The following ACVR1C variants were observed in gnomAD, a reference collection of about 807,000 sequenced individuals.
ACVR1C encodes activin receptor type-1C.
A neutral mutation model predicts 57.9 loss-of-function variants in ACVR1C; 23 were observed. The ratio of observed to expected loss-of-function variants is 0.40; its 90% CI spans 0.29 to 0.56. ACVR1C has a LOEUF of 0.56. Among genes scored for constraint, ACVR1C ranks in the 20% least tolerant of loss-of-function variants. The pLI, the probability that ACVR1C is intolerant of heterozygous loss-of-function variation, is 0.50. For synonymous variants in ACVR1C, 214 were observed against 215.3 expected (o/e 0.99, Z 0.05); for missense variants, 480 against 607.9 (o/e 0.79, Z 2.21).
chr2:157,627,194 G>A (rs1682916048), intron 1 of ACVR1C, among the ~76,000 whole-genome samples: 1 of 152,174 alleles, frequency 6.6e-6, no homozygotes, highest in Admixed American at 6.5e-5. Flanking sequence ...TCAAAACTGT[G>A]ATACCTTGAA....
chr2:157,609,240 G>A (rs58806044), intron 1 of ACVR1C, among the ~76,000 whole-genome samples: 7,637 of 151,574 alleles, frequency 0.05, 375 homozygotes, highest in African/African-American at 0.13. Context: ...GGTTGTTTAG[G>A]GGCATGTTGT....
intron 2 of ACVR1C, among the ~76,000 whole-genome samples, chr2:157,559,125 T>G (rs1688176001): frequency 6.6e-6 from 1 of 152,118 alleles, no homozygotes; most frequent in South Asian, 2.1e-4. Flanking sequence ...TAGCAACTAA[T>G]AAAAAAGCAA....
chr2:157,596,155 C>T (rs1682102712), intron 1 of ACVR1C, among the ~76,000 whole-genome samples: 1 of 152,118 alleles, frequency 6.6e-6, no homozygotes, highest in Non-Finnish European at 1.5e-5. Flanking sequence ...CTATTTATCT[C>T]TTGGATGAAT....
intron 3 of ACVR1C, among the ~76,000 whole-genome samples, chr2:157,554,247 GAAAGA>G (rs1558975005): frequency 1.7e-5 from 2 of 121,046 alleles, no homozygotes; most frequent in African/African-American, 7.5e-5. Context: ...AAGAAAGAAA[GAAAGA>G]AAGAAAGAAA....
intron 1 of ACVR1C, among the ~76,000 whole-genome samples, chr2:157,608,630 G>C (rs1682461446): frequency 6.6e-6 from 1 of 151,694 alleles, no homozygotes; most frequent in Admixed American, 6.6e-5. Context: ...TACTTGTTAG[G>C]AGACTTTTCA....
At chr2:157,556,657 CTTTTTTTTTTT>C (rs1169628343) in intron 2 of ACVR1C, among the ~76,000 whole-genome samples, 4 of 87,872 alleles carry the variant, frequency 4.6e-5, no homozygotes, top group Non-Finnish European at 6.2e-5. Context: ...CAGCAGTACA[CTTTTTTTTTTT>C]TTTTTTTTTT....
intron 1 of ACVR1C, among the ~76,000 whole-genome samples, chr2:157,625,745 A>G (rs78368703): frequency 8.8e-4 from 134 of 152,338 alleles, no homozygotes; most frequent in Non-Finnish European, 1.5e-3. Flanking sequence ...TTTCTGGACC[A>G]GAGGACAAAG....
At position 157,596,906 on chromosome 2, in the gene ACVR1C, G is replaced by C. The variant is rs561493439; in HGVS notation, c.74-9489C>G. On this transcript the variant is annotated intron_variant, in intron 1 of 8. Transcript: ENST00000243349. ...TGGCCTTGTAGGTTAAAGGATGTTA[G>C]GACAGTGTGGTAAACTGAGTCAGGG... Among the ~76,000 whole-genome samples the C allele has an allele frequency of 3.0e-4, 45 of 152,308 alleles. No individual in the cohort carries two copies. The South Asian group carries it at 8.3e-3, about 28-fold the overall frequency.
chr2:157,544,447 T>C lies in ACVR1C; in HGVS notation c.941A>G (p.Gln314Arg). 1 of 1,609,654 alleles carries C rather than the reference T, an allele frequency of 6.2e-7. No individual in the cohort carries two copies. ...AHLHMEIVGT[Q>R]GKPAIAHRDI... Reference sequence around the variant, plus strand: ...AAAAATGAAAAGGAAATACATACCTTGTGTACCAACAATCTCCATATGAAG... The same window carrying C: ...AAAAATGAAAAGGAAATACATACCTCGTGTACCAACAATCTCCATATGAAG... Residue 314 changes from glutamine to arginine, a missense_variant and splice_region_variant, in exon 5 of 9, where the codon CAA (glutamine) becomes CGA (arginine). Physicochemically the swap from Gln to Arg is conservative, Grantham distance 43. Coordinates refer to ENST00000243349, the MANE Select transcript of ACVR1C (RefSeq NM_145259.3).
At chr2:157,541,282 A>T in intron 6 of ACVR1C, 68 bp from the exon 7 acceptor site, 2 of 1,473,536 alleles carry the variant, frequency 1.4e-6, no homozygotes, top group Non-Finnish European at 1.8e-6. Context: ...CAATCTTAAT[A>T]AATTAAGATA....
intron 1 of ACVR1C, among the ~76,000 whole-genome samples, chr2:157,589,529 G>T (rs1689014099): frequency 6.6e-6 from 1 of 151,716 alleles, no homozygotes; most frequent in Admixed American, 6.6e-5. Context: ...CAGAGATATA[G>T]ATGACACAAA....
intron 1 of ACVR1C, among the ~76,000 whole-genome samples, chr2:157,618,867 G>A (rs934384603): frequency 2.0e-5 from 3 of 151,564 alleles, no homozygotes; most frequent in Non-Finnish European, 4.4e-5. Flanking sequence ...AATTGTGTAT[G>A]TACCCAAGAA....
intron 2 of ACVR1C, among the ~76,000 whole-genome samples, chr2:157,582,989 C>G (rs549272942): frequency 9.9e-5 from 15 of 152,258 alleles, no homozygotes; most frequent in African/African-American, 3.4e-4. Context: ...TCCAGCAATT[C>G]TCCCGCCTCA....
intron 5 of ACVR1C, among the ~76,000 whole-genome samples, chr2:157,543,393 A>G (rs1687667574): frequency 6.6e-6 from 1 of 152,234 alleles, no homozygotes; most frequent in East Asian, 1.9e-4. Context: ...AGACATTAAA[A>G]CAGACATTAA....
intron 1 of ACVR1C, among the ~76,000 whole-genome samples, chr2:157,588,628 G>T (rs539786473): frequency 8.5e-6 from 1 of 117,768 alleles, no homozygotes; most frequent in Non-Finnish European, 1.6e-5. Context: ...TATCCTTTAC[G>T]TCTCTCTGTA....
chr2:157,541,428 T>C (rs1399710502), intron 6 of ACVR1C, among the ~76,000 whole-genome samples: 2 of 152,174 alleles, frequency 1.3e-5, no homozygotes, highest in Non-Finnish European at 2.9e-5. Context: ...TTATTACACA[T>C]TGGCTCCAAA....
In ACVR1C at chr2:157,527,883, T is replaced by A. The variant is rs530915364; in HGVS notation, c.*6035A>T. 1 of 152,298 alleles carries A rather than the reference T, an allele frequency of 6.6e-6. No homozygotes were observed. Among genetic ancestry groups the A allele is most frequent in the East Asian group, 1.9e-4 (1 of 5,186 alleles). 9.4% of individuals were successfully genotyped at this position (152,298 alleles called of 1,614,324 possible). A position where few individuals can be genotyped will look rare whatever the true frequency, so the allele number is the denominator to read the frequency against. On this transcript the variant is annotated 3_prime_UTR_variant, in exon 9 of 9. Coordinates refer to ENST00000243349, the MANE Select transcript of ACVR1C (RefSeq NM_145259.3). ...TCAGTAATTAGCTCCATGCATAGAA[T>A]GAAAACTGTATGGACGATATCAAAA... is the stretch of plus-strand genomic sequence containing the variant.
intron 2 of ACVR1C, 22 bp downstream of exon 2, chr2:157,587,165 T>C: frequency 1.3e-6 from 2 of 1,565,628 alleles, no homozygotes; most frequent in Non-Finnish European, 1.8e-6. Flanking sequence ...AAATTCGGAA[T>C]GAACAAAGAT....
chr2:157,540,015 A>G (rs567771365), intron 7 of ACVR1C, among the ~76,000 whole-genome samples: 1 of 152,382 alleles, frequency 6.6e-6, no homozygotes, highest in African/African-American at 2.4e-5. Context: ...TGCAGAAAAA[A>G]GACAATAGTT....
Sources: gnomAD v4.1 joint callset for allele counts (sites outside exome capture counted in the v4.1 genomes callset) on GRCh38, gnomAD v4.1.1 for gene constraint, MANE v1.5 for transcripts, NCBI Gene and HGNC (gene_info 2026-07-23, HGNC 2026-07-21) for gene names.